The following CXCR6 variants were observed in gnomAD, a reference collection of about 807,000 sequenced individuals.
The protein encoded by CXCR6 is C-X-C motif chemokine receptor 6, also known as C-X-C chemokine receptor type 6.
CXCR6 carries 3 observed loss-of-function variants against 1.6 expected under a neutral mutation model. The observed-to-expected ratio is 1.83, with a 90% CI of 0.83 to 4.72. CXCR6 has a LOEUF of 4.72. CXCR6 is among the 30% of genes most tolerant of loss of function. The pLI is 0.02. For missense variants in CXCR6, 326 were observed against 414.8 expected, an observed-to-expected ratio of 0.79 and a Z score of 1.86; for synonymous variants, 171 against 159.2, an observed-to-expected ratio of 1.07 and a Z score of -0.56.
chr3:45,947,899 G>A lies in CXCR6; in HGVS notation c.*389G>A, dbSNP rs969110961. ...GCACACTGGGTGCCCAAGCTCAGAA[G>A]GCTCTTCTGACTACTGGGCAAAGAG... On this transcript the variant is annotated 3_prime_UTR_variant, in exon 2 of 2. Coordinates refer to ENST00000304552, the MANE Select transcript of CXCR6 (RefSeq NM_006564.2). 4.3e-6 allele frequency: 1 copy of A among 231,122 alleles called. No individual in the cohort carries two copies. The highest frequency in any genetic ancestry group is 9.3e-6 in the Non-Finnish European group (1 of 107,738). 14.3% of individuals were successfully genotyped at this position (231,122 alleles called of 1,614,324 possible).
upstream of CXCR6, chr3:45,943,335 T>C (rs1007293611): frequency 2.0e-5 from 3 of 152,158 alleles, no homozygotes; most frequent in Admixed American, 1.3e-4. Context: ...CCCATCCATC[T>C]CTGACCCACG....
intron 1 of CXCR6, chr3:45,944,875 A>T (rs1400451913): frequency 6.6e-6 from 1 of 152,224 alleles, no homozygotes; most frequent in Non-Finnish European, 1.5e-5. Context: ...ATGAAAAAAT[A>T]TGTTTTTGCC....
Position 45,946,595 on chromosome 3 carries a change from C to T in CXCR6, c.114C>T (p.Tyr38=), listed in dbSNP as rs530411795. ...QFSKVFLPCM[Y]LVVFVCGLVG... ...GCAAGGTCTTTCTGCCCTGCATGTACCTGGTGGTGTTTGTCTGTGGTCTGG... is the reference window on the plus strand; with the variant it reads ...GCAAGGTCTTTCTGCCCTGCATGTATCTGGTGGTGTTTGTCTGTGGTCTGG... The change falls in exon 2 of 2, where the codon TAC becomes TAT. Residue 38 remains tyrosine (Y), a synonymous_variant. Transcript: ENST00000304552. The T allele has an allele frequency of 1.2e-6, 2 of 1,614,180 alleles. No homozygotes were observed. Among genetic ancestry groups the T allele is most frequent in the East Asian group, 2.2e-5 (1 of 44,884 alleles).
At position 45,947,052 on chromosome 3, in the gene CXCR6, G is replaced by C. The variant is rs907476052; in HGVS notation, c.571G>C (p.Val191Leu). The C allele has an allele frequency of 6.2e-7, 1 of 1,614,054 alleles. No homozygotes were observed. The highest frequency in any genetic ancestry group is 8.5e-7 in the Non-Finnish European group (1 of 1,180,036). ...GYHDEAISTV[V>L]LATQMTLGFF... is the part of the protein sequence containing the mutation. ...CCATGACGAGGCAATTTCCACTGTG[G>C]TTCTTGCCACCCAGATGACACTGGG... Residue 191 changes from valine (V) to leucine (L), a missense_variant, in exon 2 of 2, where the codon GTT becomes CTT. Coordinates refer to ENST00000304552, the MANE Select transcript of CXCR6 (RefSeq NM_006564.2).
Position 45,947,670 on chromosome 3 carries a change from G to A in CXCR6, c.*160G>A, listed in dbSNP as rs1206004847. 7.9e-6 allele frequency: 5 copies of A among 636,704 alleles called. No individual in the cohort carries two copies. Among genetic ancestry groups the A allele is most frequent in the African/African-American group, 3.7e-5 (2 of 54,464 alleles). 39.4% of individuals were successfully genotyped at this position (636,704 alleles called of 1,614,324 possible). The stretch of plus-strand genomic sequence containing the variant: ...AATGCTTCTTCTCAGGCATGAACAT[G>A]TACTGTTCTCTTCTTGAACACTCAT... On this transcript the variant is annotated 3_prime_UTR_variant, in exon 2 of 2. Transcript: ENST00000304552.
At chr3:45,942,334 T>A (rs1704277767), upstream of CXCR6, among the ~76,000 whole-genome samples, 1 of 152,216 alleles carries the variant, frequency 6.6e-6, no homozygotes, top group African/African-American at 2.4e-5. Context: ...CATAGAAGCA[T>A]CCAGCATAGG....
chr3:45,944,329 A>G (rs1322305252), intron 1 of CXCR6, among the ~76,000 whole-genome samples: 3 of 152,160 alleles, frequency 2.0e-5, no homozygotes, highest in Non-Finnish European at 4.4e-5. Flanking sequence ...TTTGACATCT[A>G]TTTGTTGTAA....
chr3:45,942,215 G>A (rs1704271943), upstream of CXCR6, among the ~76,000 whole-genome samples: 1 of 152,274 alleles, frequency 6.6e-6, no homozygotes, highest in Non-Finnish European at 1.5e-5. Context: ...TGGCTTTGCA[G>A]CCTGACAGTC....
upstream of CXCR6, among the ~76,000 whole-genome samples, chr3:45,942,904 G>A (rs1704319250): frequency 6.6e-6 from 1 of 152,210 alleles, no homozygotes; most frequent in Non-Finnish European, 1.5e-5. Flanking sequence ...TCATCATGCT[G>A]TTGATTGGTC....
chr3:45,945,613 G>A (rs1173065364), intron 1 of CXCR6: 3 of 152,172 alleles, frequency 2.0e-5, no homozygotes, highest in South Asian at 4.1e-4. Context: ...CAGGAGCTAA[G>A]GCAAGGTTCC....
In CXCR6 at chr3:45,947,417, T is replaced by A. The variant is rs957566662; in HGVS notation, c.936T>A (p.Leu312=). 6.2e-7 allele frequency: 1 copy of A among 1,614,208 alleles called. No homozygotes were observed. Among genetic ancestry groups the A allele is most frequent in the East Asian group, 2.2e-5 (1 of 44,886 alleles). Residue 312 remains leucine, a synonymous_variant, in exon 2 of 2, where the codon CTT becomes CTA. Coordinates refer to ENST00000304552, the MANE Select transcript of CXCR6 (RefSeq NM_006564.2). ...AGGACATTGGTTGCCTCCCTTACCT[T>A]GGGGTCTCACATCAATGGAAATCTT... ...LVKDIGCLPY[L]GVSHQWKSSE... is the part of the protein sequence containing the mutation.
intron 1 of CXCR6, among the ~76,000 whole-genome samples, chr3:45,944,165 T>C (rs978615040): frequency 1.3e-5 from 2 of 151,318 alleles, no homozygotes; most frequent in Non-Finnish European, 2.9e-5. Context: ...CTCCCAGAAT[T>C]GTAGGGGTGT....
rs989403148 is a variant in CXCR6, at chr3:45,948,271, C to G, written c.*761C>G. ...CACAAACGTATGTAAATGTATATACCCACACACATACACACATATGTCATA... is the reference window on the plus strand; with the variant it reads ...CACAAACGTATGTAAATGTATATACGCACACACATACACACATATGTCATA... On this transcript the variant is annotated 3_prime_UTR_variant, in exon 2 of 2. Transcript: ENST00000304552. The G allele has an allele frequency of 6.0e-6, 1 of 166,770 alleles. No individual in the cohort carries two copies. Among genetic ancestry groups the G allele is most frequent in the African/African-American group, 2.4e-5 (1 of 41,376 alleles). 10.3% of individuals were successfully genotyped at this position (166,770 alleles called of 1,614,324 possible).
In CXCR6 at chr3:45,947,539, TG is replaced by T. The variant is rs780691580; in HGVS notation, c.*31del. 6.3e-7 allele frequency: 1 copy of T among 1,583,262 alleles called. No individual in the cohort carries two copies. ...TTGCCAGGGTTTCGAGAAGCTGCTCTGGAATTTGCAAGTCATGGCTGTGCCC... is the reference window on the plus strand; with the variant it reads ...TTGCCAGGGTTTCGAGAAGCTGCTCTGAATTTGCAAGTCATGGCTGTGCCC... On this transcript the variant is annotated 3_prime_UTR_variant, in exon 2 of 2. Coordinates refer to ENST00000304552, the MANE Select transcript of CXCR6 (RefSeq NM_006564.2).
At chr3:45,946,382 A>C in intron 1 of CXCR6, 79 bp from the exon 2 acceptor site, 1 of 1,051,182 alleles carries the variant, frequency 9.5e-7, no homozygotes. Context: ...TTGCCCCCTA[A>C]ATGTGGTCAA....
At chr3:45,943,340 C>T (rs1704357974), upstream of CXCR6, 1 of 152,192 alleles carries the variant, frequency 6.6e-6, no homozygotes, top group African/African-American at 2.4e-5. Flanking sequence ...CCATCTCTGA[C>T]CCACGCGTTA....
chr3:45,944,133 A>G (rs1297148948), intron 1 of CXCR6, among the ~76,000 whole-genome samples: 1 of 152,106 alleles, frequency 6.6e-6, no homozygotes, highest in Non-Finnish European at 1.5e-5. Context: ...TACATGGCAG[A>G]AGGATTCAAG....
intron 1 of CXCR6, 28 bp from the exon 2 acceptor site, chr3:45,946,433 A>C: frequency 1.3e-6 from 2 of 1,526,016 alleles, no homozygotes; most frequent in South Asian, 2.4e-5. Flanking sequence ...CTCAGCCCCA[A>C]ATATAATTCC....
At position 45,946,922 on chromosome 3, in the gene CXCR6, G is replaced by C. The variant is rs535994857; in HGVS notation, c.441G>C (p.Trp147Cys). 1.9e-6 allele frequency: 3 copies of C among 1,614,200 alleles called. No homozygotes were observed. The highest frequency in any genetic ancestry group is 2.7e-5 in the African/African-American group (2 of 75,046). ...ACCAGCAAGCCAAGAGGATGACCTG[G>C]GGCAAGGTCACCAGCTTGCTCATCT... ...AYNQQAKRMTWGKVTSLLIWV... is the reference protein window; with the variant it reads ...AYNQQAKRMTCGKVTSLLIWV... Residue 147 changes from tryptophan (W) to cysteine (C), a missense_variant, in exon 2 of 2, where the codon TGG becomes TGC. Trp to Cys is a radical substitution (Grantham distance 215). Coordinates refer to ENST00000304552, the MANE Select transcript of CXCR6 (RefSeq NM_006564.2).
Sources: gnomAD v4.1 joint callset for allele counts (sites outside exome capture counted in the v4.1 genomes callset) on GRCh38, gnomAD v4.1.1 for gene constraint, MANE v1.5 for transcripts, NCBI Gene and HGNC (gene_info 2026-07-23, HGNC 2026-07-21) for gene names.